RFX7: variants seen among roughly 807,000 people sequenced by gnomAD.
RFX7 encodes DNA-binding protein RFX7.
In RFX7, 26 loss-of-function variants were observed where a neutral mutation model predicts 111.8. The observed-to-expected ratio is 0.23, with a 90% CI of 0.17 to 0.32. The LOEUF is 0.32. RFX7 is among the 10% of genes least tolerant of loss of function. The pLI is 1.00. For missense variants in RFX7, 1,573 were observed against 1,772.9 expected (o/e 0.89, Z 2.02); for synonymous variants, 624 against 624.4 (o/e 1.00, Z 0.01).
intron 2 of RFX7, among the ~76,000 whole-genome samples, chr15:56,188,166 T>C (rs371656635): frequency 2.0e-5 from 3 of 152,316 alleles, no homozygotes; most frequent in African/African-American, 7.2e-5. Flanking sequence ...AAAGTTATAA[T>C]GTCTGAAATG....
At position 56,134,992 on chromosome 15, in the gene RFX7, A is replaced by G. The variant is rs1283651884; in HGVS notation, c.401+7786T>C. On this transcript the variant is annotated intron_variant, in intron 5 of 9. Coordinates refer to ENST00000559447, the MANE Select transcript of RFX7 (RefSeq NM_022841.7). The stretch of plus-strand genomic sequence containing the variant: ...GTATTCCATGGTGTATATGTGCCAC[A>G]TTTTCTTAATCCGGTCTATCATTGT... Among the ~76,000 whole-genome samples, 3 of 152,134 alleles carry G rather than the reference A, an allele frequency of 2.0e-5. No homozygotes were observed. The East Asian group carries it at 5.8e-4, about 29-fold the overall frequency.
At chr15:56,127,842 G>A (rs372125315) in intron 5 of RFX7, among the ~76,000 whole-genome samples, 17 of 151,504 alleles carry the variant, frequency 1.1e-4, no homozygotes, top group Admixed American at 8.5e-4. Context: ...CACTGCGCCC[G>A]GCCGAAAAGA....
chr15:56,244,212 C>T (rs1361417437), upstream of RFX7: 1 of 152,174 alleles, frequency 6.6e-6, no homozygotes, highest in Non-Finnish European at 1.5e-5. Context: ...TCAACATTAT[C>T]CCCCTTCCCC....
intron 3 of RFX7, among the ~76,000 whole-genome samples, chr15:56,170,580 G>A (rs1401938714): frequency 6.6e-6 from 1 of 152,162 alleles, no homozygotes; most frequent in Non-Finnish European, 1.5e-5. Flanking sequence ...GGCAAATATT[G>A]CCTCTGGTTG....
At chr15:56,109,279 C>T (rs1431126138) in intron 5 of RFX7, among the ~76,000 whole-genome samples, 2 of 152,372 alleles carry the variant, frequency 1.3e-5, no homozygotes, top group South Asian at 2.1e-4. Context: ...AGCTCCTAAC[C>T]GCGAGTGATC....
At chr15:56,113,640 T>C (rs1331120309) in intron 5 of RFX7, among the ~76,000 whole-genome samples, 3 of 150,336 alleles carry the variant, frequency 2.0e-5, no homozygotes, top group Non-Finnish European at 4.4e-5. Context: ...ATTCTGCACA[T>C]GTATCCCGGA....
At position 56,094,820 on chromosome 15, in the gene RFX7, C is replaced by A; in HGVS notation, c.2908G>T (p.Ala970Ser). ...TCCCGTGACAGACTCTGAGATCCAG[C>A]AATCATTTCAGATGTCGGGGTTGGG... The part of the protein sequence containing the change: ...PTPTPTSEMI[A>S]GSQSLSRESP... Residue 970 changes from alanine to serine, a missense_variant, in exon 10 of 10, where the codon GCT becomes TCT. Around this residue, in one of 7 missense-constraint regions of RFX7, gnomAD observed 625 missense variants for 632.2 expected, o/e 0.99. Coordinates refer to ENST00000559447, the MANE Select transcript of RFX7 (RefSeq NM_022841.7). The A allele has an allele frequency of 2.5e-6, 4 of 1,578,644 alleles. No homozygotes were observed. The highest frequency in any genetic ancestry group is 3.4e-6 in the Non-Finnish European group (4 of 1,161,844).
rs573911585 is a variant in RFX7, at chr15:56,101,214, C to A, written c.811+145G>T. 289 of 651,378 alleles carry A rather than the reference C, an allele frequency of 4.4e-4. 2 individuals carry two copies. The Middle Eastern group carries it at 9.4e-3, about 21-fold the overall frequency. The allele number at this position is 651,378 out of a possible 1,614,324, so 40.3% of individuals were successfully genotyped here. On this transcript the variant is annotated intron_variant, in intron 8 of 9. Coordinates refer to ENST00000559447, the MANE Select transcript of RFX7 (RefSeq NM_022841.7). ...TATTTTCTTGGCTCAACAGACCCAT[C>A]TGAATTTAGTGTTAAGCGGAGTAAG...
intron 2 of RFX7, among the ~76,000 whole-genome samples, chr15:56,202,668 C>G (rs1175758662): frequency 3.3e-5 from 5 of 152,110 alleles, no homozygotes; most frequent in African/African-American, 4.8e-5. Context: ...ATAAACGAGC[C>G]AGGTGTGGTG....
intron 5 of RFX7, among the ~76,000 whole-genome samples, chr15:56,110,497 G>A (rs1194260688): frequency 8.2e-5 from 9 of 109,528 alleles, no homozygotes; most frequent in Admixed American, 5.2e-4. Flanking sequence ...ACTGGGAAGT[G>A]AGGAGCCCCT....
intron 5 of RFX7, among the ~76,000 whole-genome samples, chr15:56,124,369 C>T (rs1264317889): frequency 6.6e-6 from 1 of 151,758 alleles, no homozygotes; most frequent in Non-Finnish European, 1.5e-5. Flanking sequence ...TTGCAGTGAG[C>T]CGAGATCGTG....
Position 56,169,268 on chromosome 15 carries a change from C to A in RFX7, c.195+10002G>T, listed in dbSNP as rs185730016. The stretch of plus-strand genomic sequence containing the variant: ...CCAGGTGATTCCAAACTTTCTCCAT[C>A]TTCCACCTGCTTATGTTTAAGAACT... On this transcript the variant is annotated intron_variant, in intron 3 of 9. Transcript: ENST00000559447. Among the ~76,000 whole-genome samples, 201 of 152,346 alleles carry A rather than the reference C, an allele frequency of 1.3e-3. 2 individuals are homozygous for A. Among genetic ancestry groups the A allele is most frequent in the African/African-American group, 4.7e-3 (195 of 41,582 alleles).
At chr15:56,131,205 T>C (rs1417099855) in intron 5 of RFX7, among the ~76,000 whole-genome samples, 1 of 149,616 alleles carries the variant, frequency 6.7e-6, no homozygotes, top group Non-Finnish European at 1.5e-5. Flanking sequence ...AATGGTACAC[T>C]ACAAGATAAC....
chr15:56,097,877 A>G (rs956554246), intron 9 of RFX7, among the ~76,000 whole-genome samples: 1 of 151,588 alleles, frequency 6.6e-6, no homozygotes, highest in Non-Finnish European at 1.5e-5. Flanking sequence ...TTGGATCTTT[A>G]TATTTTCAAT....
chr15:56,170,154 A>G (rs1379941777), intron 3 of RFX7, among the ~76,000 whole-genome samples: 2 of 152,146 alleles, frequency 1.3e-5, no homozygotes, highest in Admixed American at 1.3e-4. Context: ...CTCTGGGTAT[A>G]TTCCAATGCA....
chr15:56,243,221 C>T lies in RFX7; in HGVS notation c.65G>A (p.Ser22Asn). Residue 22 changes from serine to asparagine, a missense_variant, in exon 2 of 10, where the codon AGC (serine) becomes AAC (asparagine). Ser to Asn is a conservative substitution (Grantham distance 46, BLOSUM62 1). This residue lies in a region of RFX7 where 191 missense variants were observed against 194.2 expected (regional missense o/e 0.98). Coordinates refer to ENST00000559447, the MANE Select transcript of RFX7 (RefSeq NM_022841.7). ...QPDAHQQLPP[S>N]APNSGVALPA... is the part of the protein sequence containing the mutation. The stretch of plus-strand genomic sequence containing the variant: ...CAGGGCCACCCCCGAGTTGGGGGCG[C>T]TGGGGGGAAGCTGCTGATGGGCATC... The T allele has an allele frequency of 1.5e-6, 2 of 1,320,226 alleles. No individual in the cohort carries two copies. Among genetic ancestry groups the T allele is most frequent in the South Asian group, 2.4e-5 (2 of 82,198 alleles). The allele number at this position is 1,320,226 out of a possible 1,614,324, so 81.8% of individuals were successfully genotyped here. A position where few individuals can be genotyped will look rare whatever the true frequency, so the allele number is the denominator to read the frequency against.
intron 2 of RFX7, among the ~76,000 whole-genome samples, chr15:56,195,729 G>C (rs1285272317): frequency 2.6e-5 from 4 of 152,148 alleles, no homozygotes; most frequent in Non-Finnish European, 5.9e-5. Context: ...AATGCCAGCA[G>C]TGCTTCCTAG....
intron 2 of RFX7, among the ~76,000 whole-genome samples, chr15:56,229,370 A>G (rs1011708670): frequency 4.6e-5 from 7 of 152,046 alleles, no homozygotes; most frequent in African/African-American, 1.7e-4. Flanking sequence ...GGTTCACGCC[A>G]TTCTCCTACC....
In RFX7 at chr15:56,094,863, AGTGGGTGTGGGT is replaced by A. The variant is rs551989191; in HGVS notation, c.2853_2864del (p.Pro962_Thr965del). The A allele has an allele frequency of 6.9e-4, 1,071 of 1,553,942 alleles. 1 individual carries two copies. Among genetic ancestry groups the A allele is most frequent in the Non-Finnish European group, 8.1e-4 (936 of 1,149,296 alleles). On this transcript the variant is annotated inframe_deletion, in exon 10 of 10. Transcript: ENST00000559447. ...GGGTTGGGGTTGGGGTTGGAGTAGGAGTGGGTGTGGGTGTGGGTGTGGGTGTGTGGATTGGAG... is the reference window on the plus strand; with the variant it reads ...GGGTTGGGGTTGGGGTTGGAGTAGGAGTGGGTGTGGGTGTGTGGATTGGAG...
Sources: allele counts gnomAD v4.1 joint callset (sites outside exome capture counted in the v4.1 genomes callset), GRCh38; gene constraint gnomAD v4.1.1; regional missense constraint gnomAD v4.1.1; transcripts MANE v1.5; gene names NCBI Gene and HGNC (gene_info 2026-07-23, HGNC 2026-07-21).